Variants in GALNT13 observed in about 807,000 individuals in gnomAD.
GALNT13 encodes UDP-GalNAc:polypeptide N-acetylgalactosaminyltransferase 13.
GALNT13 carries 28 observed loss-of-function variants against 64.2 expected under a neutral mutation model. The ratio of observed to expected loss-of-function variants is 0.44; its 90% confidence interval spans 0.32 to 0.60. The LOEUF is 0.60. GALNT13 is among the 20% of genes least tolerant of loss of function. GALNT13 has a pLI of 0.05. For synonymous variants in GALNT13, 214 were observed against 224.6 expected, an observed-to-expected ratio of 0.95 and a Z score of 0.42; for missense variants, 577 against 669.8, an observed-to-expected ratio of 0.86 and a Z score of 1.53.
chr2:153,890,842 T>G (rs1687503458), intron 1 of GALNT13, among the ~76,000 whole-genome samples: 1 of 151,970 alleles, frequency 6.6e-6, no homozygotes, highest in African/African-American at 2.4e-5. Context: ...AGAGCAGAGC[T>G]TTTCTTTTCC....
At chr2:153,524,671 C>T in the GALNT13 span, among the ~76,000 whole-genome samples, 3 of 152,162 alleles carry the variant, frequency 2.0e-5, no homozygotes, top group Non-Finnish European at 4.4e-5. Flanking sequence ...ACTTGGCTGA[C>T]TTATACTCAT....
At chr2:154,454,777 C>G (rs908657573), downstream of GALNT13, 1 of 151,972 alleles carries the variant, frequency 6.6e-6, no homozygotes, top group African/African-American at 2.4e-5. Flanking sequence ...AAACTAGAAA[C>G]AGCATGATTA....
At chr2:154,130,869 T>C (rs960932266) in intron 3 of GALNT13, among the ~76,000 whole-genome samples, 17 of 152,240 alleles carry the variant, frequency 1.1e-4, no homozygotes, top group Admixed American at 3.3e-4. Context: ...GTAAACAGCT[T>C]CTGTAAAATG....
intron 2 of GALNT13, among the ~76,000 whole-genome samples, chr2:153,918,935 G>A (rs1421037246): frequency 6.6e-6 from 1 of 152,054 alleles, no homozygotes; most frequent in African/African-American, 2.4e-5. Context: ...ACACACTGAG[G>A]CTTTCCTTGT....
chr2:153,494,026 A>G, the GALNT13 span, among the ~76,000 whole-genome samples: 1 of 152,002 alleles, frequency 6.6e-6, no homozygotes, highest in East Asian at 1.9e-4. Flanking sequence ...AAAGCAACAA[A>G]TACATTTTTG....
At chr2:154,146,787 C>A (rs1051997600) in intron 4 of GALNT13, among the ~76,000 whole-genome samples, 4 of 144,766 alleles carry the variant, frequency 2.8e-5, no homozygotes, top group African/African-American at 7.3e-5. Context: ...CATTAGTTTC[C>A]CTCCTGCATT....
chr2:153,320,305 A>G, the GALNT13 span, among the ~76,000 whole-genome samples: 1 of 152,194 alleles, frequency 6.6e-6, no homozygotes, highest in African/African-American at 2.4e-5. Flanking sequence ...CAGTGAATCA[A>G]TTATCCACCT....
rs79432239 is a variant in GALNT13, at chr2:153,947,095, A to T, written c.142+2456A>T. ...TTTCTAAGTTCCCTTATATGTCTAA[A>T]TTTTAAACAATTCCTAAGGACCCAA... On this transcript the variant is annotated intron_variant, in intron 3 of 12. Transcript: ENST00000392825. 5.3e-3 allele frequency among the ~76,000 whole-genome samples: 808 copies of T among 152,122 alleles called. 5 individuals are homozygous for T. The highest frequency in any genetic ancestry group is 0.018 in the African/African-American group (762 of 41,534).
At chr2:154,436,129 A>G (rs1700956350) in intron 11 of GALNT13, 1 of 152,174 alleles carries the variant, frequency 6.6e-6, no homozygotes, top group African/African-American at 2.4e-5. Flanking sequence ...TTATCTACAG[A>G]TTGTTTTTAA....
intron 9 of GALNT13, among the ~76,000 whole-genome samples, chr2:154,336,580 A>G (rs528943180): frequency 2.1e-4 from 32 of 152,108 alleles, no homozygotes; most frequent in Non-Finnish European, 1.9e-4. Context: ...TCCTTTTATA[A>G]TTTAATTTTG....
intron 3 of GALNT13, among the ~76,000 whole-genome samples, chr2:154,050,516 T>C (rs1699544902): frequency 6.6e-6 from 1 of 152,214 alleles, no homozygotes; most frequent in South Asian, 2.1e-4. Flanking sequence ...GCCAAGAGTT[T>C]TGGAGAATGA....
chr2:153,188,700 G>A, the GALNT13 span, among the ~76,000 whole-genome samples: 5 of 152,102 alleles, frequency 3.3e-5, no homozygotes, highest in Non-Finnish European at 5.9e-5. Context: ...TCCTTGGATA[G>A]CAGAGAGAGG....
the GALNT13 span, among the ~76,000 whole-genome samples, chr2:153,360,734 C>A: frequency 6.6e-6 from 1 of 152,148 alleles, no homozygotes; most frequent in Non-Finnish European, 1.5e-5. Flanking sequence ...AACCTGAGCC[C>A]CTAGGGGGAG....
the GALNT13 span, among the ~76,000 whole-genome samples, chr2:153,391,422 A>C: frequency 6.6e-6 from 1 of 152,180 alleles, no homozygotes. Flanking sequence ...TGTGTCTTCT[A>C]TTTAGGGCTT....
chr2:154,197,010 G>C (rs1382885729), intron 4 of GALNT13, among the ~76,000 whole-genome samples: 1 of 152,166 alleles, frequency 6.6e-6, no homozygotes, highest in East Asian at 1.9e-4. Context: ...TAGAAATTAT[G>C]TGTACACATG....
chr2:153,812,645 A>G, the GALNT13 span, among the ~76,000 whole-genome samples: 1 of 152,204 alleles, frequency 6.6e-6, no homozygotes, highest in Non-Finnish European at 1.5e-5. Context: ...CCATTCCTAC[A>G]GATTATATTT....
At chr2:153,867,426 A>G (rs1195708005), upstream of GALNT13, among the ~76,000 whole-genome samples, 3 of 151,890 alleles carry the variant, frequency 2.0e-5, no homozygotes, top group African/African-American at 4.8e-5. Context: ...GCCTATTTCA[A>G]TTTTCTTCTA....
At chr2:153,822,267 C>T in the GALNT13 span, among the ~76,000 whole-genome samples, 11 of 151,940 alleles carry the variant, frequency 7.2e-5, no homozygotes, top group Non-Finnish European at 8.8e-5. Flanking sequence ...CAAAATCTGG[C>T]AAAGACACAA....
At chr2:153,772,608 A>G in the GALNT13 span, among the ~76,000 whole-genome samples, 1 of 152,134 alleles carries the variant, frequency 6.6e-6, no homozygotes, top group Non-Finnish European at 1.5e-5. Flanking sequence ...CTGTTTTGCT[A>G]TTTCCAAGTG....
Sources: allele counts gnomAD v4.1 joint callset (sites outside exome capture counted in the v4.1 genomes callset), GRCh38; gene constraint gnomAD v4.1.1; transcripts MANE v1.5; gene names NCBI Gene and HGNC (gene_info 2026-07-23, HGNC 2026-07-21).